Variants in PRKG1 observed in about 807,000 individuals in gnomAD.
PRKG1 encodes the protein protein kinase cGMP-dependent 1.
PRKG1 carries 35 observed loss-of-function variants against 88.1 expected under a neutral mutation model. That is an observed-to-expected ratio of 0.40 (90% confidence interval 0.30 to 0.53). The LOEUF (loss-of-function observed/expected upper bound fraction) is 0.53, where lower values mean the gene tolerates loss of function less well. Among genes scored for constraint, PRKG1 ranks in the 20% least tolerant of loss-of-function variants. The pLI is 0.59. For synonymous variants in PRKG1, 303 were observed against 292.5 expected (o/e 1.04, Z -0.37); for missense variants, 540 against 839.8 (o/e 0.64, Z 4.41).
intron 10 of PRKG1, among the ~76,000 whole-genome samples, chr10:52,265,582 A>G (rs1841552417): frequency 6.6e-6 from 1 of 152,116 alleles, no homozygotes; most frequent in Non-Finnish European, 1.5e-5. Context: ...CTTCCTTCCC[A>G]ATAAAGGCAA....
intron 3 of PRKG1, among the ~76,000 whole-genome samples, chr10:51,683,106 A>C (rs968555002): frequency 6.6e-6 from 1 of 152,232 alleles, no homozygotes; most frequent in Non-Finnish European, 1.5e-5. Context: ...CACAGGGAAC[A>C]GACATTTCTC....
intron 1 of PRKG1, among the ~76,000 whole-genome samples, chr10:51,076,405 T>C (rs1002339343): frequency 1.3e-5 from 2 of 152,230 alleles, no homozygotes; most frequent in African/African-American, 4.8e-5. Context: ...CATGCCTGAC[T>C]GTTTTAGCTA....
intron 2 of PRKG1, among the ~76,000 whole-genome samples, chr10:51,451,671 G>A (rs897620682): frequency 2.0e-5 from 3 of 151,952 alleles, no homozygotes; most frequent in African/African-American, 7.2e-5. Flanking sequence ...TGATAGCAGA[G>A]AATCCAGGTC....
At chr10:51,297,491 A>C (rs898451357) in intron 2 of PRKG1, among the ~76,000 whole-genome samples, 4 of 152,042 alleles carry the variant, frequency 2.6e-5, no homozygotes, top group Non-Finnish European at 5.9e-5. Context: ...CTTACCTTAA[A>C]TTAGGATTGA....
chr10:51,090,254 A>G (rs930697211), intron 1 of PRKG1, among the ~76,000 whole-genome samples: 2 of 152,120 alleles, frequency 1.3e-5, no homozygotes, highest in African/African-American at 2.4e-5. Flanking sequence ...ACCATTTTCC[A>G]TTGATAAAGT....
intron 3 of PRKG1, among the ~76,000 whole-genome samples, chr10:51,670,533 G>A (rs1377804001): frequency 6.7e-5 from 10 of 150,270 alleles, no homozygotes; most frequent in African/African-American, 1.7e-4. Context: ...TCAGGAGATC[G>A]AGACCATCCC....
At chr10:51,225,211 T>G (rs1406598821) in intron 2 of PRKG1, among the ~76,000 whole-genome samples, 1 of 152,210 alleles carries the variant, frequency 6.6e-6, no homozygotes. Flanking sequence ...ACGTGTTGCC[T>G]CCTCTCTGTG....
At chr10:51,237,220 T>C (rs1025463152) in intron 2 of PRKG1, among the ~76,000 whole-genome samples, 2 of 152,248 alleles carry the variant, frequency 1.3e-5, no homozygotes, top group African/African-American at 4.8e-5. Context: ...CAAAGTATCT[T>C]GTTCTGATTT....
chr10:51,447,418 C>T (rs541361947), intron 2 of PRKG1, among the ~76,000 whole-genome samples: 4 of 151,976 alleles, frequency 2.6e-5, no homozygotes, highest in African/African-American at 7.2e-5. Context: ...AGCATTCTTG[C>T]GAGTTTAGCT....
At chr10:51,085,432 A>G (rs1030487922) in intron 1 of PRKG1, among the ~76,000 whole-genome samples, 1 of 152,178 alleles carries the variant, frequency 6.6e-6, no homozygotes, top group African/African-American at 2.4e-5. Flanking sequence ...GAGAAATAAG[A>G]AAATATGCAC....
chr10:52,197,389 C>A (rs1432970869), intron 9 of PRKG1, among the ~76,000 whole-genome samples: 1 of 152,050 alleles, frequency 6.6e-6, no homozygotes, highest in Non-Finnish European at 1.5e-5. Flanking sequence ...TTTCAAAGCA[C>A]GTTTTGATAT....
intron 3 of PRKG1, among the ~76,000 whole-genome samples, chr10:51,722,487 T>C (rs73343379): frequency 0.024 from 3,590 of 152,046 alleles, 152 homozygotes; most frequent in African/African-American, 0.081. Context: ...TTGATACTTA[T>C]TAAGTATCTA....
chr10:52,289,421 G>A (rs1050202352), intron 16 of PRKG1, among the ~76,000 whole-genome samples: 7 of 152,100 alleles, frequency 4.6e-5, no homozygotes, highest in African/African-American at 1.7e-4. Flanking sequence ...ACAGAATACA[G>A]TGTTTTTTAA....
At chr10:51,300,736 T>C (rs1840861129) in intron 2 of PRKG1, among the ~76,000 whole-genome samples, 1 of 152,252 alleles carries the variant, frequency 6.6e-6, no homozygotes, top group East Asian at 1.9e-4. Context: ...AATTACACAC[T>C]GAACCTCTGT....
chr10:51,433,508 A>C (rs2132730065), intron 2 of PRKG1, among the ~76,000 whole-genome samples: 1 of 152,196 alleles, frequency 6.6e-6, no homozygotes, highest in East Asian at 1.9e-4. Context: ...TGGGAAATAA[A>C]ACCACATGAA....
intron 3 of PRKG1, among the ~76,000 whole-genome samples, chr10:51,659,086 T>C (rs966508959): frequency 2.6e-5 from 4 of 152,184 alleles, no homozygotes; most frequent in Admixed American, 1.3e-4. Flanking sequence ...GGCTGTTTTA[T>C]GTTTTCTTCT....
intron 2 of PRKG1, chr10:51,299,537 T>C (rs1415986035): frequency 2.1e-6 from 1 of 469,778 alleles, no homozygotes. Flanking sequence ...GTAGGAACTT[T>C]GGTAGAACTT....
At chr10:52,004,676 C>T (rs1182489650) in intron 5 of PRKG1, among the ~76,000 whole-genome samples, 2 of 152,128 alleles carry the variant, frequency 1.3e-5, no homozygotes, top group South Asian at 4.1e-4. Context: ...TGCAGAGTGA[C>T]CTGGAAGTGG....
chr10:51,038,946 C>T (rs1177252708), intron 1 of PRKG1, among the ~76,000 whole-genome samples: 1 of 151,920 alleles, frequency 6.6e-6, no homozygotes, highest in African/African-American at 2.4e-5. Context: ...AGTAAGAATC[C>T]CAAGAAGAAA....
Sources: allele counts gnomAD v4.1 joint callset (sites outside exome capture counted in the v4.1 genomes callset), GRCh38; gene constraint gnomAD v4.1.1; transcripts MANE v1.5; gene names NCBI Gene and HGNC (gene_info 2026-07-23, HGNC 2026-07-21).